Variants in DIP2A observed in about 807,000 individuals in gnomAD.
DIP2A encodes disco-interacting protein 2 homolog A.
A neutral mutation model predicts 177.4 loss-of-function variants in DIP2A; 85 were observed. The observed-to-expected ratio is 0.48, with a 90% confidence interval of 0.40 to 0.57. The LOEUF is 0.57. Ranked by LOEUF, DIP2A falls within the 20% of genes least tolerant of loss-of-function variation. DIP2A has a pLI of 0.00. For missense variants in DIP2A, 1,791 were observed against 2,100.2 expected (o/e 0.85, Z 2.88); for synonymous variants, 886 against 881.8 (o/e 1.00, Z -0.08).
chr21:46,497,658 A>T (rs1220050044), intron 4 of DIP2A, among the ~76,000 whole-genome samples: 1 of 152,240 alleles, frequency 6.6e-6, no homozygotes, highest in African/African-American at 2.4e-5. Flanking sequence ...CAAGATGTCG[A>T]TAGTGTCTAA....
At chr21:46,538,222 A>G (rs2059654378) in intron 15 of DIP2A, among the ~76,000 whole-genome samples, 2 of 152,320 alleles carry the variant, frequency 1.3e-5, no homozygotes, top group South Asian at 4.1e-4. Flanking sequence ...TGGAGCTTCT[A>G]AGAAAAAATT....
intron 2 of DIP2A, among the ~76,000 whole-genome samples, chr21:46,485,995 TG>T (rs1179837950): frequency 7.2e-6 from 1 of 138,032 alleles, no homozygotes; most frequent in African/African-American, 2.7e-5. Flanking sequence ...CACTTGAACC[TG>T]GGAGGTGGAG....
At chr21:46,513,440 G>A (rs9789884) in intron 8 of DIP2A, among the ~76,000 whole-genome samples, 2 of 152,052 alleles carry the variant, frequency 1.3e-5, no homozygotes, top group East Asian at 3.9e-4. Context: ...CTGGGCTCCT[G>A]TTGGCGGGGG....
Position 46,458,962 on chromosome 21 carries a change from C to T in DIP2A, c.-170C>T, listed in dbSNP as rs1018715087. The T allele has an allele frequency of 2.4e-6, 1 of 424,104 alleles. No individual in the cohort carries two copies. The highest frequency in any genetic ancestry group is 3.9e-6 in the Non-Finnish European group (1 of 256,832). 26.3% of individuals were successfully genotyped at this position (424,104 alleles called of 1,614,324 possible). A position where few individuals can be genotyped will look rare whatever the true frequency, so the allele number is the denominator to read the frequency against. ...GCGGCGGAGCCATCCGCGCTCGTGC[C>T]CGCGCGGGTGCGTTGCTGTCCTGGC... On this transcript the variant is annotated 5_prime_UTR_variant, in exon 1 of 38. Transcript: ENST00000417564.
At position 46,497,121 on chromosome 21, in the gene DIP2A, A is replaced by T; in HGVS notation, c.403+14A>T. Reference sequence around the variant, plus strand: ...ACACCCCTCCAGGTATTGATAAACAATGTCAAGTGTGGCTTTTTTTTGAGT... The same window carrying T: ...ACACCCCTCCAGGTATTGATAAACATTGTCAAGTGTGGCTTTTTTTTGAGT... On this transcript the variant is annotated intron_variant, in intron 4 of 37. Transcript: ENST00000417564. 1 of 1,537,124 alleles carries T rather than the reference A, an allele frequency of 6.5e-7. No homozygotes were observed. Among genetic ancestry groups the T allele is most frequent in the Non-Finnish European group, 8.7e-7 (1 of 1,150,868 alleles).
At chr21:46,501,543 C>T (rs1363396044) in intron 5 of DIP2A, among the ~76,000 whole-genome samples, 1 of 152,108 alleles carries the variant, frequency 6.6e-6, no homozygotes, top group Non-Finnish European at 1.5e-5. Context: ...CCTTAGCCTC[C>T]TGAGCAGCTG....
At chr21:46,476,932 C>T (rs1428632571) in intron 1 of DIP2A, among the ~76,000 whole-genome samples, 1 of 152,200 alleles carries the variant, frequency 6.6e-6, no homozygotes, top group African/African-American at 2.4e-5. Context: ...GCTGAGATTA[C>T]AGGCGTGAGC....
At position 46,562,839 on chromosome 21, in the gene DIP2A, G is replaced by A. The variant is rs2060712459; in HGVS notation, c.4090-1019G>A. On this transcript the variant is annotated intron_variant, in intron 34 of 37. Coordinates refer to ENST00000417564, the MANE Select transcript of DIP2A (RefSeq NM_015151.4). The stretch of plus-strand genomic sequence containing the variant: ...CTGTGGGAGCCGTGGGCTGCTGCAC[G>A]TCCTCCCTTCTCTGAGCACAGGGAC... Among the ~76,000 whole-genome samples, 5 of 152,256 alleles carry A rather than the reference G, an allele frequency of 3.3e-5. No individual in the cohort carries two copies. The South Asian group carries it at 8.3e-4, about 25-fold the overall frequency.
chr21:46,514,248 C>T (rs797002903), intron 8 of DIP2A, among the ~76,000 whole-genome samples: 15 of 152,102 alleles, frequency 9.9e-5, no homozygotes, highest in African/African-American at 2.7e-4. Context: ...TCCTGGCTAA[C>T]GCGGTGAAAC....
chr21:46,461,389 G>A (rs756597595), intron 1 of DIP2A, among the ~76,000 whole-genome samples: 6 of 150,902 alleles, frequency 4.0e-5, no homozygotes, highest in Non-Finnish European at 8.8e-5. Context: ...AGGATCTACT[G>A]TACTGCATTT....
chr21:46,512,238 C>A (rs1197820952), intron 8 of DIP2A, among the ~76,000 whole-genome samples: 1 of 152,080 alleles, frequency 6.6e-6, no homozygotes, highest in African/African-American at 2.4e-5. Context: ...GGGTGGTTTC[C>A]ACTTTGGGGC....
In DIP2A at chr21:46,563,893, C is replaced by G. The variant is rs201790767; in HGVS notation, c.4125C>G (p.Thr1375=). 7,102 of 1,613,748 alleles carry G rather than the reference C, an allele frequency of 4.4e-3. 317 individuals carry two copies. The South Asian group carries it at 0.071, about 16-fold the overall frequency. Residue 1375 remains threonine, a synonymous_variant, in exon 35 of 38, where the codon ACC becomes ACG. Coordinates refer to ENST00000417564, the MANE Select transcript of DIP2A (RefSeq NM_015151.4). This position sits in a 1 kb window ranked among gnomAD's most constrained non-coding sequence, Gnocchi z 4.3. ...GCGTGAAGGTCATCATCGCACACAC[C>G]GAGACCAAAGGACCCTTGGGAGACT... ...LPGVKVIIAH[T]ETKGPLGDSH...
intron 1 of DIP2A, among the ~76,000 whole-genome samples, chr21:46,466,220 A>G (rs1318133854): frequency 2.0e-5 from 3 of 152,292 alleles, no homozygotes; most frequent in Admixed American, 6.5e-5. Context: ...CCAGCTCACC[A>G]TTGCACCACG....
chr21:46,529,293 C>T, intron 9 of DIP2A, 110 bp downstream of exon 9: 1 of 742,666 alleles, frequency 1.3e-6, no homozygotes, highest in African/African-American at 1.8e-5. Context: ...AGCATTAATA[C>T]AAGGGATTTA....
chr21:46,468,734 A>G (rs1666579919), intron 1 of DIP2A, among the ~76,000 whole-genome samples: 1 of 152,214 alleles, frequency 6.6e-6, no homozygotes, highest in Admixed American at 6.5e-5. Context: ...AGAAACTTTT[A>G]GAGATGATGT....
chr21:46,511,966 A>T (rs2058333827), intron 8 of DIP2A, among the ~76,000 whole-genome samples: 1 of 152,066 alleles, frequency 6.6e-6, no homozygotes, highest in African/African-American at 2.4e-5. Context: ...TTGTAACACA[A>T]ATAGTAAGCA....
rs771139583 is a variant in DIP2A at position 46,556,076 on chromosome 21, A to G, written c.3483A>G (p.Ile1161Met). 5.6e-6 allele frequency: 9 copies of G among 1,613,720 alleles called. No individual in the cohort carries two copies. Among genetic ancestry groups the G allele is most frequent in the Non-Finnish European group, 7.6e-6 (9 of 1,179,792 alleles). The change falls in exon 29 of 38, where the codon ATA becomes ATG. Residue 1161 changes from isoleucine to methionine, a missense_variant. Transcript: ENST00000417564. This position sits in a 1 kb window ranked among gnomAD's most constrained non-coding sequence, Gnocchi z 4.5. ...ACTTCAGCGTGTCAACCACTGGGAT[A>G]TTAGCGGGAGTGAAGGTAGGTCCTC... is the stretch of plus-strand genomic sequence containing the variant. ...YLDFSVSTTG[I>M]LAGVKMSHAA...
chr21:46,512,618 A>G (rs1406146654), intron 8 of DIP2A, among the ~76,000 whole-genome samples: 1 of 139,808 alleles, frequency 7.2e-6, no homozygotes. Flanking sequence ...TCTGTTTGCT[A>G]ATGCTTTCAT....
chr21:46,471,244 T>G (rs1228310577), intron 1 of DIP2A, among the ~76,000 whole-genome samples: 1 of 152,188 alleles, frequency 6.6e-6, no homozygotes, highest in Non-Finnish European at 1.5e-5. Context: ...TTGCCCAGGC[T>G]AGTCTTGAAC....
Sources: allele counts gnomAD v4.1 joint callset (sites outside exome capture counted in the v4.1 genomes callset), GRCh38; gene constraint gnomAD v4.1.1; non-coding constraint Gnocchi (gnomAD v3.1); transcripts MANE v1.5; gene names NCBI Gene and HGNC (gene_info 2026-07-23, HGNC 2026-07-21).